Variants in UGT1A5 observed in about 807,000 individuals in gnomAD.
The protein encoded by UGT1A5 is UDP-glucuronosyltransferase 1A5.
Under a neutral mutation model 40.3 loss-of-function variants are expected in UGT1A5, and 29 were observed. That is an observed-to-expected ratio of 0.72 (90% CI 0.54 to 0.98). The LOEUF (loss-of-function observed/expected upper bound fraction) is 0.98. UGT1A5 is among the 50% of genes least tolerant of loss of function. The probability of loss-of-function intolerance (pLI) is 0.00; values close to 1 mark genes in which losing one functional copy is unlikely to be tolerated. For missense variants in UGT1A5, 678 were observed against 677.9 expected (o/e 1.00, Z 0.00); for synonymous variants, 257 against 262.5 (o/e 0.98, Z 0.20).
At chr2:233,745,465 G>C (rs1164210387) in intron 1 of UGT1A5, among the ~76,000 whole-genome samples, 3 of 151,586 alleles carry the variant, frequency 2.0e-5, no homozygotes, top group Non-Finnish European at 2.9e-5. Flanking sequence ...AGTTCTAAGG[G>C]GAAAATGATT....
chr2:233,739,889 C>G (rs1358734897), intron 1 of UGT1A5, among the ~76,000 whole-genome samples: 1 of 151,866 alleles, frequency 6.6e-6, no homozygotes, highest in African/African-American at 2.4e-5. Context: ...GTGTTTCCAC[C>G]CAAATCTCAT....
At chr2:233,732,487 T>A (rs1464258255) in intron 1 of UGT1A5, among the ~76,000 whole-genome samples, 1 of 152,252 alleles carries the variant, frequency 6.6e-6, no homozygotes, top group African/African-American at 2.4e-5. Flanking sequence ...AATTTTTGTA[T>A]AAGGCGTAAG....
intron 1 of UGT1A5, among the ~76,000 whole-genome samples, chr2:233,766,279 G>A (rs886209261): frequency 2.6e-5 from 4 of 151,814 alleles, no homozygotes; most frequent in Non-Finnish European, 4.4e-5. Context: ...TCGGTGGCCC[G>A]GGCTCGGTGG....
chr2:233,724,193 GC>G lies in UGT1A5; in HGVS notation c.867+10336del, dbSNP rs1291443847. Among the ~76,000 whole-genome samples, 375 of 129,962 alleles carry G rather than the reference GC, an allele frequency of 2.9e-3. 2 individuals are homozygous for G. Among genetic ancestry groups the G allele is most frequent in the African/African-American group, 0.011 (348 of 31,006 alleles). The allele number at this position is 129,962 out of a possible 152,430, so 85.3% of individuals were successfully genotyped here. ...CCCCATCTCCCTCCCGGACGGGGTG[GC>G]TGGCCGGGCTGAGGGGCTCCTCACT... On this transcript the variant is annotated intron_variant, in intron 1 of 4. Coordinates refer to ENST00000373414, the MANE Select transcript of UGT1A5 (RefSeq NM_019078.2).
At chr2:233,745,413 T>G (rs902285196) in intron 1 of UGT1A5, among the ~76,000 whole-genome samples, 5 of 151,802 alleles carry the variant, frequency 3.3e-5, no homozygotes, top group East Asian at 3.8e-4. Flanking sequence ...TGGATTCTTT[T>G]CTTTGATAAA....
intron 1 of UGT1A5, chr2:233,719,466 T>C (rs2076769813): frequency 6.2e-7 from 1 of 1,614,004 alleles, no homozygotes; most frequent in South Asian, 1.1e-5. Flanking sequence ...GAACATGCTC[T>C]ACCCTCTGGC....
rs549328655 is a variant in UGT1A5 at position 233,768,346 on chromosome 2, T to C, written c.1214T>C (p.Met405Thr). 31 of 1,614,146 alleles carry C rather than the reference T, an allele frequency of 1.9e-5. No individual in the cohort carries two copies. Among genetic ancestry groups the C allele is most frequent in the Non-Finnish European group, 2.5e-5 (30 of 1,180,016 alleles). ...GATCAGATGGACAATGCAAAGCGCA[T>C]GGAGACTAAGGGAGCTGGAGTGACC... ...FGDQMDNAKR[M>T]ETKGAGVTLN... Residue 405 changes from methionine to threonine, a missense_variant, in exon 4 of 5, where the codon ATG becomes ACG. Physicochemically the swap from Met to Thr is moderately conservative, Grantham distance 81 (BLOSUM62 -1). Transcript: ENST00000373414.
At chr2:233,724,656 G>C (rs1447865795) in intron 1 of UGT1A5, among the ~76,000 whole-genome samples, 2 of 142,148 alleles carry the variant, frequency 1.4e-5, no homozygotes, top group African/African-American at 5.4e-5. Context: ...CTGGGAAGAG[G>C]CGCTCCTCAC....
intron 1 of UGT1A5, chr2:233,743,560 C>A: frequency 7.3e-7 from 1 of 1,367,302 alleles, no homozygotes; most frequent in South Asian, 1.1e-5. Flanking sequence ...AAATATTCTC[C>A]AGCGGGTTTC....
intron 1 of UGT1A5, chr2:233,747,617 G>A (rs1693730880): frequency 1.3e-5 from 20 of 1,575,570 alleles, no homozygotes; most frequent in Non-Finnish European, 1.7e-5. Context: ...TGCATAATGA[G>A]GCCCTGATCA....
Position 233,713,162 on chromosome 2 carries a change from G to GGTGGT in UGT1A5, c.173_177dup (p.Val60TrpfsTer8), listed in dbSNP as rs776401165. 1 of 1,614,256 alleles carries GGTGGT rather than the reference G, an allele frequency of 6.2e-7. No individual in the cohort carries two copies. Among genetic ancestry groups the GGTGGT allele is most frequent in the Non-Finnish European group, 8.5e-7 (1 of 1,180,052 alleles). On this transcript the variant is annotated frameshift_variant, in exon 1 of 5. Coordinates refer to ENST00000373414, the MANE Select transcript of UGT1A5 (RefSeq NM_019078.2). LOFTEE classifies it high-confidence loss of function. ...GGGACCTCCATGCGAGAGGCCACCA[G>GGTGGT]GTGGTGGTCCTCACCCTGGAGGTGA...
Position 233,713,105 on chromosome 2 carries a change from C to T in UGT1A5, c.114C>T (p.Gly38=), listed in dbSNP as rs1300950755. ...AGGTGCTGGTGGTGCCCACTGATGG[C>T]AGCCACTGGCTCAGCATGCGGGAGG... The part of the protein sequence containing the change: ...SGKVLVVPTD[G]SHWLSMREAL... The change falls in exon 1 of 5, where the codon GGC becomes GGT. Residue 38 remains glycine (G), a synonymous_variant. Transcript: ENST00000373414. The T allele has an allele frequency of 6.2e-7, 1 of 1,614,094 alleles. No homozygotes were observed. The highest frequency in any genetic ancestry group is 1.3e-5 in the African/African-American group (1 of 74,942).
In UGT1A5 at chr2:233,772,291, G is replaced by C; in HGVS notation, c.1337G>C (p.Ser446Thr). Residue 446 changes from serine (S) to threonine (T), a missense_variant, in exon 5 of 5, where the codon AGC becomes ACC. Physicochemically the swap from Ser to Thr is moderately conservative, Grantham distance 58. Transcript: ENST00000373414. ...SYKENIMRLS[S>T]LHKDRPVEPL... ...AAGGAGAACATCATGCGCCTCTCCA[G>C]CCTTCACAAGGACCGCCCGGTGGAG... 1 of 1,614,230 alleles carries C rather than the reference G, an allele frequency of 6.2e-7. No individual in the cohort carries two copies. The highest frequency in any genetic ancestry group is 8.5e-7 in the Non-Finnish European group (1 of 1,180,052).
intron 1 of UGT1A5, among the ~76,000 whole-genome samples, chr2:233,763,329 T>C (rs752568926): frequency 2.0e-5 from 3 of 152,234 alleles, no homozygotes; most frequent in Non-Finnish European, 2.9e-5. Flanking sequence ...ATTATTTTTG[T>C]TTACATTTCC....
chr2:233,754,764 C>T (rs570859528), intron 1 of UGT1A5: 2 of 981,308 alleles, frequency 2.0e-6, no homozygotes, highest in East Asian at 6.0e-5. Flanking sequence ...AAGGCCCCCA[C>T]TTCCCAGGGA....
At chr2:233,767,974 G>A (rs1338835560) in intron 3 of UGT1A5, 38 bp downstream of exon 3, 1 of 1,613,994 alleles carries the variant, frequency 6.2e-7, no homozygotes, top group Non-Finnish European at 8.5e-7. Context: ...TCAAACCAGG[G>A]TCAAATTAAG....
At chr2:233,736,939 G>A (rs2078828567) in intron 1 of UGT1A5, among the ~76,000 whole-genome samples, 1 of 152,164 alleles carries the variant, frequency 6.6e-6, no homozygotes. Context: ...CCACCTATAT[G>A]AGGTGTCTGT....
In UGT1A5 at chr2:233,772,828, C is replaced by A; in HGVS notation, c.*269C>A. ...TTCAGAGGACGTGCAGACAGGCTGG[C>A]ATTCTAGATTACTTTTCTTACTCTG... is the stretch of plus-strand genomic sequence containing the variant. On this transcript the variant is annotated 3_prime_UTR_variant, in exon 5 of 5. Transcript: ENST00000373414. 1.1e-6 allele frequency: 1 copy of A among 921,124 alleles called. No individual in the cohort carries two copies. The highest frequency in any genetic ancestry group is 1.5e-6 in the Non-Finnish European group (1 of 663,786). The allele number at this position is 921,124 out of a possible 1,614,324, so 57.1% of individuals were successfully genotyped here. A position where few individuals can be genotyped will look rare whatever the true frequency, so the allele number is the denominator to read the frequency against.
In UGT1A5 at chr2:233,769,448, C is replaced by T. The variant is rs934555154; in HGVS notation, c.1307+1009C>T. The T allele has an allele frequency of 7.2e-5, 114 of 1,590,160 alleles. No individual in the cohort carries two copies. The East Asian group carries it at 1.2e-3, about 16-fold the overall frequency. ...GGCTGTGCTCATGTGTGGGTGCACA[C>T]GTGTGCATTCATATGCGTGTGTGTG... On this transcript the variant is annotated intron_variant, in intron 4 of 4. Coordinates refer to ENST00000373414, the MANE Select transcript of UGT1A5 (RefSeq NM_019078.2). The surrounding 1 kb of genome is among the most constrained non-coding windows in gnomAD (Gnocchi z 4.4).
Sources: gnomAD v4.1 joint callset for allele counts (sites outside exome capture counted in the v4.1 genomes callset) on GRCh38, gnomAD v4.1.1 for gene constraint, Gnocchi (gnomAD v3.1) non-coding constraint, MANE v1.5 for transcripts, NCBI Gene and HGNC (gene_info 2026-07-23, HGNC 2026-07-21) for gene names.